Variants in MYO9B observed in about 807,000 individuals in gnomAD.
MYO9B encodes the protein unconventional myosin-IXb.
MYO9B carries 71 observed loss-of-function variants against 229.5 expected under a neutral mutation model. The ratio of observed to expected loss-of-function variants is 0.31; its 90% confidence interval spans 0.26 to 0.38. The LOEUF (loss-of-function observed/expected upper bound fraction) is 0.38, where lower values mean the gene tolerates loss of function less well. MYO9B is among the 10% of genes least tolerant of loss of function. The probability of loss-of-function intolerance (pLI) is 1.00; values close to 1 mark genes in which losing one functional copy is unlikely to be tolerated. For synonymous variants in MYO9B, 1,185 were observed against 1,235.8 expected, an observed-to-expected ratio of 0.96 and a Z score of 0.86; for missense variants, 2,255 against 2,920.5, an observed-to-expected ratio of 0.77 and a Z score of 5.25.
intron 1 of MYO9B, among the ~76,000 whole-genome samples, chr19:17,089,417 T>C (rs1406826491): frequency 1.3e-5 from 2 of 152,248 alleles, no homozygotes; most frequent in East Asian, 1.9e-4. Flanking sequence ...CCTATAAACA[T>C]GTGGCTTCAA....
intron 2 of MYO9B, among the ~76,000 whole-genome samples, chr19:17,126,396 C>T (rs2058019585): frequency 6.6e-6 from 1 of 152,194 alleles, no homozygotes; most frequent in Non-Finnish European, 1.5e-5. Context: ...TGTCGGGGAT[C>T]CCCGGAAAAC....
intron 1 of MYO9B, among the ~76,000 whole-genome samples, chr19:17,088,415 G>T (rs1280357151): frequency 6.6e-6 from 1 of 152,192 alleles, no homozygotes; most frequent in Non-Finnish European, 1.5e-5. Flanking sequence ...GTTTTGGGGA[G>T]CACGAATGAA....
chr19:17,210,505 T>C lies in MYO9B; in HGVS notation c.5796+125T>C, dbSNP rs564889440. On this transcript the variant is annotated intron_variant, in intron 37 of 39. Coordinates refer to ENST00000682292, the MANE Select transcript of MYO9B (RefSeq NM_004145.4). ...GTCCTAACCTTCCGGAAGTGCATGC[T>C]GGGGAGGCCCCTTGCCTGCTGACCT... 11 of 1,306,744 alleles carry C rather than the reference T, an allele frequency of 8.4e-6. No homozygotes were observed. The Admixed American group carries it at 2.6e-4, about 30-fold the overall frequency. The allele number at this position is 1,306,744 out of a possible 1,614,324, so 80.9% of individuals were successfully genotyped here. A position where few individuals can be genotyped will look rare whatever the true frequency, so the allele number is the denominator to read the frequency against.
chr19:17,137,052 A>G (rs1473370814), intron 2 of MYO9B, among the ~76,000 whole-genome samples: 1 of 152,148 alleles, frequency 6.6e-6, no homozygotes, highest in Non-Finnish European at 1.5e-5. Flanking sequence ...CAACATGGAG[A>G]AACCCCGTCT....
intron 2 of MYO9B, among the ~76,000 whole-genome samples, chr19:17,132,550 A>T: frequency 8.4e-6 from 1 of 118,898 alleles, no homozygotes; most frequent in African/African-American, 3.4e-5. Flanking sequence ...TTTTTTTGAG[A>T]CAGAGTCTCG....
chr19:17,170,647 CAAAAAAAAAAAA>C (rs55894910), intron 11 of MYO9B, among the ~76,000 whole-genome samples: 2 of 88,866 alleles, frequency 2.3e-5, no homozygotes, highest in Non-Finnish European at 4.4e-5. Context: ...CCCATCTCTA[CAAAAAAAAAAAA>C]AAAAAAAAAA....
intron 1 of MYO9B, among the ~76,000 whole-genome samples, chr19:17,079,324 A>G (rs952320608): frequency 6.6e-6 from 1 of 152,150 alleles, no homozygotes; most frequent in Non-Finnish European, 1.5e-5. Flanking sequence ...GCGGGTCTTG[A>G]TAAAAAGGAG....
intron 11 of MYO9B, among the ~76,000 whole-genome samples, chr19:17,170,859 G>A (rs1311776280): frequency 6.9e-6 from 1 of 145,386 alleles, no homozygotes. Flanking sequence ...AGTAGAGACG[G>A]CAGTAGGAGG....
chr19:17,103,601 CAG>C (rs2057766326), intron 2 of MYO9B: 1 of 152,314 alleles, frequency 6.6e-6, no homozygotes, highest in East Asian at 1.9e-4. Flanking sequence ...GTGAGAGTCC[CAG>C]AGAGGAGGTG....
rs773839632 is a variant in MYO9B at position 17,207,066 on chromosome 19, T to C, written c.5493-47T>C. 644 of 1,598,528 alleles carry C rather than the reference T, an allele frequency of 4.0e-4. 7 individuals carry two copies. In the Middle Eastern group the frequency reaches 4.8e-3, roughly 12 times the overall value. On this transcript the variant is annotated intron_variant, in intron 34 of 39. Transcript: ENST00000682292. Reference sequence around the variant, plus strand: ...TTCAGTCTCGGGGCTCCCTGGTACCTCCCTCCCTCGGCCCTAGCCATCCTC... The same window carrying C: ...TTCAGTCTCGGGGCTCCCTGGTACCCCCCTCCCTCGGCCCTAGCCATCCTC...
intron 2 of MYO9B, among the ~76,000 whole-genome samples, chr19:17,117,692 C>T (rs1229758084): frequency 1.3e-5 from 2 of 152,104 alleles, no homozygotes; most frequent in African/African-American, 4.8e-5. Context: ...AAGCCCAGCA[C>T]TTTTAGAGGC....
chr19:17,201,951 C>T lies in MYO9B; in HGVS notation c.4589C>T (p.Thr1530Met). 1.9e-6 allele frequency: 3 copies of T among 1,612,884 alleles called. No individual in the cohort carries two copies. Among genetic ancestry groups the T allele is most frequent in the Non-Finnish European group, 2.5e-6 (3 of 1,179,508 alleles). ...NKINDLRSQK[T>M]PIESLFIEAT... Reference sequence around the variant, plus strand: ...ATAAATGACCTCCGTTCCCAGAAGACGCCCATTGAGAGCTTGTTTATCGAA... The same window carrying T: ...ATAAATGACCTCCGTTCCCAGAAGATGCCCATTGAGAGCTTGTTTATCGAA... The change falls in exon 27 of 40, where the codon ACG becomes ATG. Residue 1530 changes from threonine to methionine, a missense_variant. Thr to Met is a moderately conservative substitution (Grantham distance 81, BLOSUM62 -1). Transcript: ENST00000682292.
At chr19:17,114,599 C>G (rs986710457) in intron 2 of MYO9B, among the ~76,000 whole-genome samples, 1 of 152,166 alleles carries the variant, frequency 6.6e-6, no homozygotes, top group Non-Finnish European at 1.5e-5. Flanking sequence ...TTAGGACTTC[C>G]GCCTGCACTG....
Position 17,202,273 on chromosome 19 carries a change from C to T in MYO9B, c.4806C>T (p.Gly1602=). 6.3e-7 allele frequency: 1 copy of T among 1,582,284 alleles called. No homozygotes were observed. The highest frequency in any genetic ancestry group is 1.4e-5 in the African/African-American group (1 of 73,996). ...FQSLLDEFTR[G]YTKNDFEPVK... is the part of the protein sequence containing the mutation. ...CACTGCTAGATGAGTTCACCCGTGGCTACACCAAGAACGACTTCGAGCCAG... is the reference window on the plus strand; with the variant it reads ...CACTGCTAGATGAGTTCACCCGTGGTTACACCAAGAACGACTTCGAGCCAG... The change falls in exon 28 of 40, where the codon GGC becomes GGT. Residue 1602 remains glycine, a synonymous_variant. Coordinates refer to ENST00000682292, the MANE Select transcript of MYO9B (RefSeq NM_004145.4).
intron 2 of MYO9B, among the ~76,000 whole-genome samples, chr19:17,128,313 C>T (rs939524495): frequency 1.3e-5 from 2 of 152,052 alleles, no homozygotes; most frequent in Non-Finnish European, 2.9e-5. Context: ...ATCGCTTAAG[C>T]CCAGGAGTTT....
intron 2 of MYO9B, among the ~76,000 whole-genome samples, chr19:17,121,272 A>G (rs745486537): frequency 7.9e-5 from 12 of 151,908 alleles, no homozygotes; most frequent in Non-Finnish European, 1.5e-4. Context: ...GCTTACTTGT[A>G]CTTGGATTGT....
intron 13 of MYO9B, among the ~76,000 whole-genome samples, chr19:17,173,224 G>A (rs2072745683): frequency 6.7e-6 from 1 of 149,366 alleles, no homozygotes; most frequent in Non-Finnish European, 1.5e-5. Context: ...GGCCCTGGGA[G>A]TTTGCTGATT....
intron 2 of MYO9B, among the ~76,000 whole-genome samples, chr19:17,108,334 A>G (rs1372287050): frequency 6.6e-6 from 1 of 151,648 alleles, no homozygotes; most frequent in Non-Finnish European, 1.5e-5. Flanking sequence ...GACTGTTTGC[A>G]AAGGGATGTG....
chr19:17,174,554 T>C (rs141090447), intron 13 of MYO9B, among the ~76,000 whole-genome samples: 3,796 of 152,254 alleles, frequency 0.025, 72 homozygotes, highest in Middle Eastern at 0.041. Flanking sequence ...GGAGAATCGC[T>C]TGAACCCGGG....
Sources: gnomAD v4.1 joint callset for allele counts (sites outside exome capture counted in the v4.1 genomes callset) on GRCh38, gnomAD v4.1.1 for gene constraint, MANE v1.5 for transcripts, NCBI Gene and HGNC (gene_info 2026-07-23, HGNC 2026-07-21) for gene names.